Variants in KIAA1217 observed in about 807,000 individuals in gnomAD.
The protein encoded by KIAA1217 is KIAA1217.
In KIAA1217, 88 loss-of-function variants were observed where a neutral mutation model predicts 163.9. The ratio of observed to expected loss-of-function variants is 0.54; its 90% confidence interval spans 0.45 to 0.64. KIAA1217 has a LOEUF of 0.64. Among genes scored for constraint, KIAA1217 ranks in the 30% least tolerant of loss-of-function variants. The pLI is 0.00. For missense variants in KIAA1217, 2,372 were observed against 2,475.0 expected, an observed-to-expected ratio of 0.96 and a Z score of 0.88; for synonymous variants, 903 against 923.1, an observed-to-expected ratio of 0.98 and a Z score of 0.39.
intron 2 of KIAA1217, among the ~76,000 whole-genome samples, chr10:24,330,638 C>G (rs1188651365): frequency 2.0e-5 from 3 of 152,038 alleles, no homozygotes; most frequent in Non-Finnish European, 4.4e-5. Context: ...ATTTTTGAGA[C>G]AGGGTCTAGC....
chr10:24,099,771 G>A, intron 2 of KIAA1217, among the ~76,000 whole-genome samples: 1 of 129,660 alleles, frequency 7.7e-6, no homozygotes. Context: ...CCCGGTGTGT[G>A]ATGTTCCCCT....
chr10:24,157,322 A>C (rs1251373709), intron 2 of KIAA1217, among the ~76,000 whole-genome samples: 1 of 152,114 alleles, frequency 6.6e-6, no homozygotes, highest in Non-Finnish European at 1.5e-5. Flanking sequence ...AATCCCTTGC[A>C]TACTTCTTTA....
chr10:23,869,328 T>C (rs145117214), intron 1 of KIAA1217, among the ~76,000 whole-genome samples: 115 of 152,060 alleles, frequency 7.6e-4, no homozygotes, highest in African/African-American at 2.6e-3. Flanking sequence ...AATAACATAT[T>C]AGGTCTCCGC....
intron 1 of KIAA1217, among the ~76,000 whole-genome samples, chr10:23,714,723 G>C (rs185332843): frequency 1.3e-5 from 2 of 152,040 alleles, no homozygotes; most frequent in Non-Finnish European, 2.9e-5. Context: ...CCATATTTGC[G>C]AAGGGAACCC....
chr10:23,928,622 C>T (rs1043433830), intron 1 of KIAA1217, among the ~76,000 whole-genome samples: 1 of 152,120 alleles, frequency 6.6e-6, no homozygotes, highest in African/African-American at 2.4e-5. Context: ...AGATGGAAAA[C>T]GGTCAATGAG....
At chr10:23,820,430 A>G (rs1837566449) in intron 1 of KIAA1217, among the ~76,000 whole-genome samples, 1 of 152,212 alleles carries the variant, frequency 6.6e-6, no homozygotes, top group African/African-American at 2.4e-5. Context: ...TCTAATTAAC[A>G]TTAACTGTGC....
chr10:24,052,814 T>C (rs1316783945), intron 2 of KIAA1217, among the ~76,000 whole-genome samples: 1 of 152,120 alleles, frequency 6.6e-6, no homozygotes, highest in Non-Finnish European at 1.5e-5. Flanking sequence ...TTAAGGGTAG[T>C]TTTATCAATC....
intron 2 of KIAA1217, among the ~76,000 whole-genome samples, chr10:24,227,428 G>A (rs193259160): frequency 5.7e-4 from 86 of 152,098 alleles, no homozygotes; most frequent in African/African-American, 1.9e-3. Context: ...CAAAGTGTTG[G>A]GATTACAGGT....
At chr10:23,896,195 G>A (rs1320019459) in intron 1 of KIAA1217, among the ~76,000 whole-genome samples, 1 of 151,244 alleles carries the variant, frequency 6.6e-6, no homozygotes, top group African/African-American at 2.4e-5. Context: ...AAGGCAAATG[G>A]CTCCATATTT....
chr10:24,312,086 T>C (rs762190274), intron 2 of KIAA1217, among the ~76,000 whole-genome samples: 5 of 152,132 alleles, frequency 3.3e-5, no homozygotes, highest in Non-Finnish European at 7.3e-5. Context: ...ACAGTTTATT[T>C]GTAGGATCTG....
At position 24,226,393 on chromosome 10, in the gene KIAA1217, A is replaced by G. The variant is rs1031566043; in HGVS notation, c.354+6484A>G. The stretch of plus-strand genomic sequence containing the variant: ...TGCAGTCCCAACACTTTGGGAGGCT[A>G]AGGCGGGCAGATCACGAGGTCAGGA... On this transcript the variant is annotated intron_variant, in intron 2 of 20. Coordinates refer to ENST00000376454, the MANE Select transcript of KIAA1217 (RefSeq NM_019590.5). 1.6e-4 allele frequency among the ~76,000 whole-genome samples: 24 copies of G among 152,186 alleles called. No individual in the cohort carries two copies. In the East Asian group the frequency reaches 2.3e-3, roughly 15 times the overall value.
intron 1 of KIAA1217, among the ~76,000 whole-genome samples, chr10:24,218,742 G>A (rs1254215009): frequency 1.3e-5 from 2 of 152,038 alleles, no homozygotes; most frequent in East Asian, 1.9e-4. Flanking sequence ...ACCCGCCTCG[G>A]CCTCCCAAAG....
At chr10:23,829,857 C>G (rs1838092776) in intron 1 of KIAA1217, among the ~76,000 whole-genome samples, 1 of 152,124 alleles carries the variant, frequency 6.6e-6, no homozygotes, top group African/African-American at 2.4e-5. Context: ...CACATGACCT[C>G]TTAGTAAATA....
intron 2 of KIAA1217, among the ~76,000 whole-genome samples, chr10:24,277,322 A>C (rs1240533758): frequency 6.6e-6 from 1 of 152,116 alleles, no homozygotes; most frequent in Non-Finnish European, 1.5e-5. Context: ...TGTGGTTCCC[A>C]CTCAAAGTGG....
chr10:23,787,867 T>C (rs1456546441), intron 1 of KIAA1217, among the ~76,000 whole-genome samples: 4 of 152,128 alleles, frequency 2.6e-5, no homozygotes, highest in Admixed American at 1.3e-4. Flanking sequence ...TTGTGTTTAG[T>C]GTTTCCTTCA....
At chr10:23,825,531 T>G (rs1444306990) in intron 1 of KIAA1217, among the ~76,000 whole-genome samples, 1 of 152,218 alleles carries the variant, frequency 6.6e-6, no homozygotes, top group Non-Finnish European at 1.5e-5. Context: ...TATTTCAGAT[T>G]GATTTTGGTT....
At chr10:24,064,602 C>T (rs377463479) in intron 2 of KIAA1217, among the ~76,000 whole-genome samples, 3 of 151,528 alleles carry the variant, frequency 2.0e-5, no homozygotes, top group Non-Finnish European at 3.0e-5. Context: ...CTAAAACTCT[C>T]TTTTTTTGTT....
rs778072271 is a variant in KIAA1217 at position 24,545,062 on chromosome 10, G to T, written c.5293G>T (p.Gly1765Cys). The T allele has an allele frequency of 6.2e-7, 1 of 1,614,152 alleles. No homozygotes were observed. The highest frequency in any genetic ancestry group is 1.1e-5 in the South Asian group (1 of 91,088). ...CAGACCCGGAACCCTGGACAAACCC[G>T]GCAAGCAGTCCAAACTGCAGGATCC... ...KNRPGTLDKP[G>C]KQSKLQDPRQ... Residue 1765 changes from glycine (G) to cysteine (C), a missense_variant, in exon 20 of 21, where the codon GGC becomes TGC. By Grantham distance (159) the Gly-to-Cys change is radical. Around this residue, in one of 3 missense-constraint regions of KIAA1217, gnomAD observed 690 missense variants for 677.5 expected, o/e 1.02. Transcript: ENST00000376454.
intron 2 of KIAA1217, among the ~76,000 whole-genome samples, chr10:24,352,787 T>G (rs2048615584): frequency 6.6e-6 from 1 of 152,126 alleles, no homozygotes; most frequent in Admixed American, 6.5e-5. Flanking sequence ...CAGATGTTCC[T>G]AAGAGTTGAA....
Sources: allele counts gnomAD v4.1 joint callset (sites outside exome capture counted in the v4.1 genomes callset), GRCh38; gene constraint gnomAD v4.1.1; regional missense constraint gnomAD v4.1.1; transcripts MANE v1.5; gene names NCBI Gene and HGNC (gene_info 2026-07-23, HGNC 2026-07-21).